DYNC2H1: variants seen among roughly 807,000 people sequenced by gnomAD.
DYNC2H1 encodes the protein dynein cytoplasmic 2 heavy chain 1, also known as cytoplasmic dynein 2 heavy chain 1.
In DYNC2H1, 410 loss-of-function variants were observed where a neutral mutation model predicts 570.0. That is an observed-to-expected ratio of 0.72 (90% confidence interval 0.66 to 0.78). The LOEUF (loss-of-function observed/expected upper bound fraction) is 0.78, where lower values mean the gene tolerates loss of function less well. DYNC2H1 is among the 30% of genes least tolerant of loss of function. The probability of loss-of-function intolerance (pLI) is 0.00; values close to 1 mark genes in which losing one functional copy is unlikely to be tolerated. For synonymous variants in DYNC2H1, 1,688 were observed against 1,677.6 expected (o/e 1.01, Z -0.15); for missense variants, 4,865 against 5,046.4 (o/e 0.96, Z 1.09).
intron 59 of DYNC2H1, among the ~76,000 whole-genome samples, chr11:103,226,001 T>C (rs956935908): frequency 3.3e-5 from 5 of 152,116 alleles, no homozygotes; most frequent in Admixed American, 6.6e-5. Flanking sequence ...GTTCTTGATT[T>C]GATTCTTAGT....
chr11:103,114,180 T>C lies in DYNC2H1; in HGVS notation c.444T>C (p.Val148=). 4.4e-6 allele frequency: 7 copies of C among 1,604,630 alleles called. No homozygotes were observed. The highest frequency in any genetic ancestry group is 6.0e-6 in the Non-Finnish European group (7 of 1,174,922). Residue 148 remains valine, a synonymous_variant, in exon 3 of 89, where the codon GTT becomes GTC. Coordinates refer to ENST00000375735, the MANE Select transcript of DYNC2H1 (RefSeq NM_001377.3). ...LSELEAGLGI[V]LRRSDTNLTK... is the part of the protein sequence containing the mutation. ...AACTAGAAGCTGGGTTGGGTATAGT[T>C]CTACGAAGATCAGACACTAACTTAA...
rs377076883 is a variant in DYNC2H1, at chr11:103,153,344, C to G, written c.3138C>G (p.Ile1046Met). Residue 1046 changes from isoleucine to methionine, a missense_variant, in exon 22 of 89, where the codon ATC (isoleucine) becomes ATG (methionine). This residue lies in a region of DYNC2H1 where 1,936 missense variants were observed against 1,962.1 expected (regional missense o/e 0.99). Coordinates refer to ENST00000375735, the MANE Select transcript of DYNC2H1 (RefSeq NM_001377.3). ...MKGNVKSRLQIYYQELEKFKA... is the reference protein window; with the variant it reads ...MKGNVKSRLQMYYQELEKFKA... ...GAAATGTGAAATCACGTCTTCAGAT[C>G]TATTATCAAGAACTGGAAAAATTTA... 124 of 1,544,690 alleles carry G rather than the reference C, an allele frequency of 8.0e-5. No individual in the cohort carries two copies. The highest frequency in any genetic ancestry group is 8.9e-5 in the Non-Finnish European group (102 of 1,145,290).
At chr11:103,457,774 C>T (rs1185984504) in intron 87 of DYNC2H1, among the ~76,000 whole-genome samples, 2 of 152,156 alleles carry the variant, frequency 1.3e-5, no homozygotes, top group African/African-American at 4.8e-5. Context: ...TGCACTTGGC[C>T]TGACTATAGT....
chr11:103,237,223 A>G (rs1159427825), intron 63 of DYNC2H1, among the ~76,000 whole-genome samples: 4 of 152,106 alleles, frequency 2.6e-5, no homozygotes, highest in East Asian at 3.9e-4. Flanking sequence ...TTTATATTTC[A>G]TAATAAATAT....
At chr11:103,276,180 T>C (rs780600396) in intron 70 of DYNC2H1, among the ~76,000 whole-genome samples, 2 of 145,588 alleles carry the variant, frequency 1.4e-5, no homozygotes, top group African/African-American at 2.8e-5. Context: ...GAAATAGTTA[T>C]TGAGTACTAC....
intron 84 of DYNC2H1, among the ~76,000 whole-genome samples, chr11:103,434,394 T>A (rs1943991852): frequency 6.6e-6 from 1 of 151,010 alleles, no homozygotes; most frequent in Admixed American, 6.7e-5. Context: ...CCCTATTGTT[T>A]AACAGAGGGT....
chr11:103,159,441 T>C (rs1199511088), intron 28 of DYNC2H1, among the ~76,000 whole-genome samples: 2 of 152,094 alleles, frequency 1.3e-5, no homozygotes, highest in African/African-American at 4.8e-5. Context: ...GTGTCCTGAA[T>C]GACATACAGG....
chr11:103,423,449 G>A (rs1442555823), intron 84 of DYNC2H1, among the ~76,000 whole-genome samples: 1 of 138,580 alleles, frequency 7.2e-6, no homozygotes, highest in Non-Finnish European at 1.6e-5. Context: ...CCCTGCAACT[G>A]TGTCTCCAAA....
intron 75 of DYNC2H1, among the ~76,000 whole-genome samples, chr11:103,297,311 G>A (rs1210978546): frequency 6.6e-6 from 1 of 152,082 alleles, no homozygotes; most frequent in Admixed American, 6.6e-5. Flanking sequence ...ACAGTTAACA[G>A]TTTAGCAGTG....
chr11:103,206,888 T>A lies in DYNC2H1; in HGVS notation c.8454+1924T>A, dbSNP rs532185776. On this transcript the variant is annotated intron_variant, in intron 52 of 88. Coordinates refer to ENST00000375735, the MANE Select transcript of DYNC2H1 (RefSeq NM_001377.3). The stretch of plus-strand genomic sequence containing the variant: ...AATTTTGTTTAAAGGATGAGAGAAA[T>A]GGGTCAGTAACTGGAGGAAGGAGGG... Among the ~76,000 whole-genome samples, 96 of 151,982 alleles carry A rather than the reference T, an allele frequency of 6.3e-4. No homozygotes were observed. In the Middle Eastern group the frequency reaches 0.017, roughly 27 times the overall value.
chr11:103,374,611 A>C (rs1227704699), intron 83 of DYNC2H1, among the ~76,000 whole-genome samples: 1 of 152,180 alleles, frequency 6.6e-6, no homozygotes, highest in Non-Finnish European at 1.5e-5. Context: ...TGGGCAATGA[A>C]GTCCAGGCTG....
chr11:103,303,362 A>C (rs1565478725), intron 76 of DYNC2H1, 109 bp downstream of exon 76: 5 of 1,188,396 alleles, frequency 4.2e-6, no homozygotes, highest in Non-Finnish European at 4.7e-6. Context: ...TAATGCCCCC[A>C]AAAATGTCTA....
intron 19 of DYNC2H1, among the ~76,000 whole-genome samples, chr11:103,148,231 G>C (rs532535631): frequency 3.9e-5 from 6 of 152,126 alleles, no homozygotes; most frequent in Admixed American, 2.0e-4. Context: ...TTGTATAAAA[G>C]ACGAAAAATG....
chr11:103,422,234 G>A (rs1006827882), intron 84 of DYNC2H1, among the ~76,000 whole-genome samples: 1 of 152,122 alleles, frequency 6.6e-6, no homozygotes. Context: ...AGGACCAGAT[G>A]GATTCACAGC....
chr11:103,241,478 A>G lies in DYNC2H1; in HGVS notation c.9820-2215A>G. 6.5e-7 allele frequency: 1 copy of G among 1,549,690 alleles called. No individual in the cohort carries two copies. The highest frequency in any genetic ancestry group is 8.8e-7 in the Non-Finnish European group (1 of 1,130,194). On this transcript the variant is annotated intron_variant, in intron 63 of 88. Transcript: ENST00000375735. This position sits in a 1 kb window ranked among gnomAD's most constrained non-coding sequence, Gnocchi z 5.1. ...AAAACTTAAGCATGTTTTCTTTGCT[A>G]AAAACATTTTGAAATGTTACCTTTC... is the stretch of plus-strand genomic sequence containing the variant.
chr11:103,223,671 C>A (rs995501085), intron 59 of DYNC2H1, among the ~76,000 whole-genome samples: 2 of 151,988 alleles, frequency 1.3e-5, no homozygotes, highest in African/African-American at 4.8e-5. Flanking sequence ...CAGGTGTGGA[C>A]CACCACGCCT....
intron 85 of DYNC2H1, among the ~76,000 whole-genome samples, chr11:103,443,800 CTTTTAT>C (rs1426440550): frequency 1.3e-5 from 2 of 151,382 alleles, no homozygotes; most frequent in African/African-American, 4.8e-5. Context: ...TCTCCTTTGT[CTTTTAT>C]TTTTATGTCT....
Position 103,156,731 on chromosome 11 carries a change from A to G in DYNC2H1, c.4088A>G (p.Lys1363Arg), listed in dbSNP as rs776357434. 1.2e-6 allele frequency: 2 copies of G among 1,613,196 alleles called. No individual in the cohort carries two copies. The highest frequency in any genetic ancestry group is 1.7e-6 in the Non-Finnish European group (2 of 1,179,620). ...ATTTTCGGCCGTGGAGCATTGCCAAAAGAACAGACACGCTTCAACAGAGTT... is the reference window on the plus strand; with the variant it reads ...ATTTTCGGCCGTGGAGCATTGCCAAGAGAACAGACACGCTTCAACAGAGTT... ...EPIFGRGALPKEQTRFNRVDE... is the reference protein window; with the variant it reads ...EPIFGRGALPREQTRFNRVDE... Residue 1363 changes from lysine (K) to arginine (R), a missense_variant, in exon 26 of 89, where the codon AAA (lysine) becomes AGA (arginine). Around this residue, in one of 5 missense-constraint regions of DYNC2H1, gnomAD observed 1,936 missense variants for 1,962.1 expected, o/e 0.99. Coordinates refer to ENST00000375735, the MANE Select transcript of DYNC2H1 (RefSeq NM_001377.3).
chr11:103,113,677 A>G lies in DYNC2H1; in HGVS notation c.336A>G (p.Val112=), dbSNP rs778222081. Residue 112 remains valine (V), a synonymous_variant, in exon 2 of 89, where the codon GTA becomes GTG. Coordinates refer to ENST00000375735, the MANE Select transcript of DYNC2H1 (RefSeq NM_001377.3). ...CTATTAGTTCTCTTTACCAAGCAGT[A>G]CGGCAAGTATTCGCACCAATGTTGT... ...ESPISSLYQA[V]RQVFAPMLLK... is the part of the protein sequence containing the mutation. 18 of 1,553,968 alleles carry G rather than the reference A, an allele frequency of 1.2e-5. No homozygotes were observed. In the South Asian group the frequency reaches 2.2e-4, roughly 19 times the overall value.
Sources: gnomAD v4.1 joint callset for allele counts (sites outside exome capture counted in the v4.1 genomes callset) on GRCh38, gnomAD v4.1.1 for gene constraint, gnomAD v4.1.1 regional missense constraint, Gnocchi (gnomAD v3.1) non-coding constraint, MANE v1.5 for transcripts, NCBI Gene and HGNC (gene_info 2026-07-23, HGNC 2026-07-21) for gene names.